Variants in DPM1 observed in about 807,000 individuals in gnomAD.
DPM1 encodes dolichol-phosphate mannosyltransferase subunit 1.
In DPM1, 27 loss-of-function variants were observed where a neutral mutation model predicts 39.0. That is an observed-to-expected ratio of 0.69 (90% confidence interval 0.51 to 0.95). DPM1 has a LOEUF of 0.95. Ranked by LOEUF, DPM1 falls within the 40% of genes least tolerant of loss-of-function variation. DPM1 has a pLI of 0.00. For missense variants in DPM1, 307 were observed against 315.6 expected (o/e 0.97, Z 0.21); for synonymous variants, 124 against 109.0 (o/e 1.14, Z -0.86).
chr20:50,936,719 G>C (rs916003051), intron 7 of DPM1, among the ~76,000 whole-genome samples: 11 of 152,198 alleles, frequency 7.2e-5, no homozygotes, highest in Non-Finnish European at 2.9e-5. Flanking sequence ...TCCAATAAAT[G>C]TTTATGATGA....
chr20:50,956,546 GAAAA>G (rs1316836850), intron 1 of DPM1, among the ~76,000 whole-genome samples: 4 of 147,600 alleles, frequency 2.7e-5, no homozygotes, highest in African/African-American at 9.9e-5. Flanking sequence ...AAAAAAAAAA[GAAAA>G]AGAAAAAAGA....
At chr20:50,955,053 A>G (rs878967578) in intron 2 of DPM1, 133 bp downstream of exon 2, 1 of 760,010 alleles carries the variant, frequency 1.3e-6, no homozygotes, top group Non-Finnish European at 2.2e-6. Context: ...ATGCATTTAA[A>G]TCCCAAATGC....
intron 7 of DPM1, among the ~76,000 whole-genome samples, chr20:50,937,845 T>A (rs1039855601): frequency 2.0e-5 from 3 of 152,068 alleles, no homozygotes; most frequent in African/African-American, 4.8e-5. Flanking sequence ...TATTTTTATT[T>A]TTTTAGTTTT....
rs191332602 is a variant in DPM1, at chr20:50,949,386, C to T, written c.262-724G>A. ...CCCTTTGGGTTTTGAATACTAATAT[C>T]ACTCTTCCTCTATTAACTTATCTTG... On this transcript the variant is annotated intron_variant, in intron 2 of 8. Transcript: ENST00000371588. 2.6e-5 allele frequency among the ~76,000 whole-genome samples: 4 copies of T among 152,262 alleles called. No individual in the cohort carries two copies. In the East Asian group the frequency reaches 7.7e-4, roughly 29 times the overall value.
At chr20:50,945,679 A>G in intron 5 of DPM1, 58 bp downstream of exon 5, 1 of 1,415,264 alleles carries the variant, frequency 7.1e-7, no homozygotes, top group South Asian at 1.2e-5. Flanking sequence ...TAAGCCCAAA[A>G]CCAGTAAGAT....
chr20:50,939,516 T>G (rs1985524016), intron 7 of DPM1, among the ~76,000 whole-genome samples: 1 of 151,872 alleles, frequency 6.6e-6, no homozygotes, highest in African/African-American at 2.4e-5. Context: ...TATTTTTTAG[T>G]AGAGACAGGG....
At chr20:50,950,663 G>A (rs542432692) in intron 2 of DPM1, among the ~76,000 whole-genome samples, 49 of 152,232 alleles carry the variant, frequency 3.2e-4, no homozygotes, top group Admixed American at 2.9e-3. Context: ...GAGGTCAGGA[G>A]TTAAGAGACC....
At chr20:50,941,212 A>C in intron 6 of DPM1, 1 of 279,778 alleles carries the variant, frequency 3.6e-6, no homozygotes, top group Non-Finnish European at 6.1e-6. Context: ...CTCCATCACT[A>C]CAAAAAAAAA....
chr20:50,957,245 C>G (rs975562730), intron 1 of DPM1, among the ~76,000 whole-genome samples: 1 of 152,216 alleles, frequency 6.6e-6, no homozygotes, highest in African/African-American at 2.4e-5. Flanking sequence ...AATGTTAAGT[C>G]TAATGCTCAG....
intron 5 of DPM1, 101 bp from the exon 6 acceptor site, chr20:50,942,227 G>T: frequency 1.9e-6 from 2 of 1,073,048 alleles, no homozygotes; most frequent in South Asian, 2.5e-5. Flanking sequence ...GTCGACACAG[G>T]CTGGGTGCAG....
chr20:50,941,404 T>TATATATTC (rs1436941184), intron 6 of DPM1, among the ~76,000 whole-genome samples: 7 of 133,558 alleles, frequency 5.2e-5, no homozygotes, highest in African/African-American at 1.3e-4. Flanking sequence ...ATTCATATTA[T>TATATATTC]ATATATATAT....
chr20:50,936,319 C>T (rs1985155056), intron 7 of DPM1, 57 bp from the exon 8 acceptor site: 9 of 1,174,878 alleles, frequency 7.7e-6, no homozygotes, highest in Non-Finnish European at 1.1e-5. Flanking sequence ...GCCTATGTAT[C>T]CTGACCTTTC....
In DPM1 at chr20:50,940,786, A is replaced by G; in HGVS notation, c.563+79T>C. The G allele has an allele frequency of 6.0e-6, 7 of 1,173,814 alleles. 1 individual carries two copies. Among genetic ancestry groups the G allele is most frequent in the Admixed American group, 1.7e-5 (1 of 57,888 alleles). 72.7% of individuals were successfully genotyped at this position (1,173,814 alleles called of 1,614,324 possible). A position where few individuals can be genotyped will look rare whatever the true frequency, so the allele number is the denominator to read the frequency against. ...CAGAATAAAAACAAGGTAGAAATGT[A>G]AAGTGTCTCTTTAAAATATCCATTG... On this transcript the variant is annotated intron_variant, in intron 7 of 8. Transcript: ENST00000371588.
chr20:50,938,478 G>T (rs981861673), intron 7 of DPM1, among the ~76,000 whole-genome samples: 7 of 151,278 alleles, frequency 4.6e-5, no homozygotes, highest in Admixed American at 2.0e-4. Flanking sequence ...TGCCTCCCAG[G>T]TTCACGCCAT....
chr20:50,950,741 G>A (rs775500611), intron 2 of DPM1, among the ~76,000 whole-genome samples: 2 of 152,150 alleles, frequency 1.3e-5, no homozygotes, highest in East Asian at 1.9e-4. Flanking sequence ...GTAGTGGCAC[G>A]TGCCTGTAAT....
chr20:50,947,006 C>T (rs1349165701), intron 3 of DPM1, among the ~76,000 whole-genome samples: 1 of 152,118 alleles, frequency 6.6e-6, no homozygotes, highest in Non-Finnish European at 1.5e-5. Context: ...GTCGGGAATT[C>T]GAGACCAGCC....
In DPM1 at chr20:50,940,894, T is replaced by C; in HGVS notation, c.534A>G (p.Pro178=). Reference sequence around the variant, plus strand: ...AACTTCCTGTTAAATCAGATGCTCCTGGTCTCAGCAAGATCTGAGTTAAAA... The same window carrying C: ...AACTTCCTGTTAAATCAGATGCTCCCGGTCTCAGCAAGATCTGAGTTAAAA... ...ANFLTQILLR[P]GASDLTGSFR... is the part of the protein sequence containing the mutation. The change falls in exon 7 of 9, where the codon CCA becomes CCG. Residue 178 remains proline, a synonymous_variant. Transcript: ENST00000371588. The C allele has an allele frequency of 1.2e-6, 2 of 1,614,046 alleles. No individual in the cohort carries two copies. The highest frequency in any genetic ancestry group is 1.7e-6 in the Non-Finnish European group (2 of 1,179,962).
At position 50,945,742 on chromosome 20, in the gene DPM1, A is replaced by G; in HGVS notation, c.393T>C (p.Phe131=). The G allele has an allele frequency of 1.3e-6, 2 of 1,573,660 alleles. No individual in the cohort carries two copies. The highest frequency in any genetic ancestry group is 1.7e-6 in the Non-Finnish European group (2 of 1,144,400). The change falls in exon 5 of 9, where the codon TTT becomes TTC. Residue 131 remains phenylalanine, a synonymous_variant. Coordinates refer to ENST00000371588, the MANE Select transcript of DPM1 (RefSeq NM_003859.3). ...LSHHPKFIPE[F]IRKQKEGNFD... Reference sequence around the variant, plus strand: ...ATATTAGAAATAGTACCTACCTAATAAATTCAGGAATAAATTTTGGCTGAA... The same window carrying G: ...ATATTAGAAATAGTACCTACCTAATGAATTCAGGAATAAATTTTGGCTGAA...
At chr20:50,955,416 AT>A in intron 1 of DPM1, 131 bp from the exon 2 acceptor site, 2 of 691,492 alleles carry the variant, frequency 2.9e-6, no homozygotes, top group Non-Finnish European at 5.0e-6. Flanking sequence ...GAAAACTTCA[AT>A]TATCAAATGA....
Sources: gnomAD v4.1 joint callset for allele counts (sites outside exome capture counted in the v4.1 genomes callset) on GRCh38, gnomAD v4.1.1 for gene constraint, MANE v1.5 for transcripts, NCBI Gene and HGNC (gene_info 2026-07-23, HGNC 2026-07-21) for gene names.